The following TMEM201 variants were observed in gnomAD, a reference collection of about 807,000 sequenced individuals.
TMEM201 encodes the protein transmembrane protein 201, also known as RP13-15M17.2.
TMEM201 carries 26 observed loss-of-function variants against 63.4 expected under a neutral mutation model. That is an observed-to-expected ratio of 0.41 (90% CI 0.30 to 0.57). The LOEUF (loss-of-function observed/expected upper bound fraction) is 0.57, where lower values mean the gene tolerates loss of function less well. Ranked by LOEUF, TMEM201 falls within the 20% of genes least tolerant of loss-of-function variation. The probability of loss-of-function intolerance (pLI) is 0.29; values close to 1 mark genes in which losing one functional copy is unlikely to be tolerated. For missense variants in TMEM201, 794 were observed against 917.7 expected (o/e 0.87, Z 1.74); for synonymous variants, 417 against 421.6 (o/e 0.99, Z 0.14).
chr1:9,609,586 C>T (rs539341593), intron 7 of TMEM201, among the ~76,000 whole-genome samples: 135 of 152,304 alleles, frequency 8.9e-4, no homozygotes, highest in African/African-American at 3.2e-3. Context: ...CTGCCTACCT[C>T]AGCCTCCCAA....
Position 9,603,689 on chromosome 1 carries a change from G to A in TMEM201, c.1160+1417G>A. On this transcript the variant is annotated intron_variant, in intron 6 of 10. Transcript: ENST00000340381. The surrounding 1 kb of genome is among the most constrained non-coding windows in gnomAD (Gnocchi z 4.5). Reference sequence around the variant, plus strand: ...GGGGCAGGTGCCAGGCCTCACTGCTGTGAATCTGCCACGCCTGGGGGTCCT... The same window carrying A: ...GGGGCAGGTGCCAGGCCTCACTGCTATGAATCTGCCACGCCTGGGGGTCCT... The A allele has an allele frequency of 1.0e-6, 1 of 985,490 alleles. No homozygotes were observed. Among genetic ancestry groups the A allele is most frequent in the Non-Finnish European group, 1.2e-6 (1 of 829,958 alleles). The allele number at this position is 985,490 out of a possible 1,614,324, so 61.0% of individuals were successfully genotyped here.
chr1:9,609,241 A>C (rs1644287882), intron 7 of TMEM201, among the ~76,000 whole-genome samples: 1 of 152,230 alleles, frequency 6.6e-6, no homozygotes, highest in African/African-American at 2.4e-5. Flanking sequence ...TGCATGCTGC[A>C]ACAGACCCTT....
chr1:9,608,574 A>G lies in TMEM201; in HGVS notation c.1393+785A>G, dbSNP rs1351399500. Among the ~76,000 whole-genome samples, 1 of 152,212 alleles carries G rather than the reference A, an allele frequency of 6.6e-6. No homozygotes were observed. Among genetic ancestry groups the G allele is most frequent in the African/African-American group, 2.4e-5 (1 of 41,454 alleles). ...TTTCAGGGCACCCCAGCCTGGTGGC[A>G]CTTGAATGGAACTTGGGGTGGGAGG... On this transcript the variant is annotated intron_variant, in intron 7 of 10. Coordinates refer to ENST00000340381, the MANE Select transcript of TMEM201 (RefSeq NM_001130924.3). The surrounding 1 kb of genome is among the most constrained non-coding windows in gnomAD (Gnocchi z 4.3).
At chr1:9,593,858 A>G (rs569318415) in intron 1 of TMEM201, among the ~76,000 whole-genome samples, 1 of 152,294 alleles carries the variant, frequency 6.6e-6, no homozygotes, top group East Asian at 1.9e-4. Flanking sequence ...GCAGGTCTTC[A>G]CCCATCAGGA....
chr1:9,590,538 C>T (rs976254546), intron 1 of TMEM201, among the ~76,000 whole-genome samples: 1 of 152,154 alleles, frequency 6.6e-6, no homozygotes, highest in Non-Finnish European at 1.5e-5. Context: ...GGGATGCTGT[C>T]TCCCCTTCCT....
rs1290846784 is a variant in TMEM201 at position 9,610,376 on chromosome 1, CT to C, written c.1466-129del. The C allele has an allele frequency of 2.1e-6, 2 of 966,512 alleles. No homozygotes were observed. The highest frequency in any genetic ancestry group is 2.7e-5 in the East Asian group (1 of 37,590). The allele number at this position is 966,512 out of a possible 1,614,324, so 59.9% of individuals were successfully genotyped here. ...TTCAGCTTTGCAGCAGGACTTCCCC[CT>C]GTCCCCAGTCTCTGCACCTTTCCTG... On this transcript the variant is annotated intron_variant, in intron 8 of 10. Coordinates refer to ENST00000340381, the MANE Select transcript of TMEM201 (RefSeq NM_001130924.3). The surrounding 1 kb of genome is among the most constrained non-coding windows in gnomAD (Gnocchi z 4.9).
At chr1:9,597,691 CCA>C (rs1644051736) in intron 3 of TMEM201, among the ~76,000 whole-genome samples, 2 of 152,162 alleles carry the variant, frequency 1.3e-5, no homozygotes, top group Admixed American at 6.5e-5. Flanking sequence ...CAGCTGGGGC[CCA>C]GAGACACTGG....
rs1644214006 is a variant in TMEM201 at position 9,604,853 on chromosome 1, C to A, written c.1160+2581C>A. 1 of 985,850 alleles carries A rather than the reference C, an allele frequency of 1.0e-6. No individual in the cohort carries two copies. The highest frequency in any genetic ancestry group is 6.1e-5 in the Admixed American group (1 of 16,270). 61.1% of individuals were successfully genotyped at this position (985,850 alleles called of 1,614,324 possible). On this transcript the variant is annotated intron_variant, in intron 6 of 10. Coordinates refer to ENST00000340381, the MANE Select transcript of TMEM201 (RefSeq NM_001130924.3). This position sits in a 1 kb window ranked among gnomAD's most constrained non-coding sequence, Gnocchi z 4.1. ...ATGTCGTAGAATTGTGGATAATTGT[C>A]TAGTGACCCTCTCATCACTGTAACC...
chr1:9,594,435 C>G (rs1027681254), intron 1 of TMEM201, among the ~76,000 whole-genome samples: 3 of 152,196 alleles, frequency 2.0e-5, no homozygotes, highest in African/African-American at 7.2e-5. Context: ...GGTCCCATCT[C>G]CCCTTCTCTC....
In TMEM201 at chr1:9,603,673, G is replaced by A; in HGVS notation, c.1160+1401G>A. On this transcript the variant is annotated intron_variant, in intron 6 of 10. Transcript: ENST00000340381. This position sits in a 1 kb window ranked among gnomAD's most constrained non-coding sequence, Gnocchi z 4.5. ...GCCGGGATGGGTTGGGGGGGCAGGT[G>A]CCAGGCCTCACTGCTGTGAATCTGC... is the stretch of plus-strand genomic sequence containing the variant. 3.0e-6 allele frequency: 3 copies of A among 985,520 alleles called. No individual in the cohort carries two copies. The highest frequency in any genetic ancestry group is 9.4e-5 in the South Asian group (2 of 21,292). The allele number at this position is 985,520 out of a possible 1,614,324, so 61.0% of individuals were successfully genotyped here. A position where few individuals can be genotyped will look rare whatever the true frequency, so the allele number is the denominator to read the frequency against.
rs1644196496 is a variant in TMEM201 at position 9,603,990 on chromosome 1, C to A, written c.1160+1718C>A. 3.0e-6 allele frequency: 3 copies of A among 985,330 alleles called. No individual in the cohort carries two copies. The highest frequency in any genetic ancestry group is 3.6e-6 in the Non-Finnish European group (3 of 829,960). The allele number at this position is 985,330 out of a possible 1,614,324, so 61.0% of individuals were successfully genotyped here. On this transcript the variant is annotated intron_variant, in intron 6 of 10. Transcript: ENST00000340381. This position sits in a 1 kb window ranked among gnomAD's most constrained non-coding sequence, Gnocchi z 4.5. ...TTGGGGCGGGTGAGCCAAAGCGGCC[C>A]CCCATGGTGTCTACCTGAGGGGCAG... is the stretch of plus-strand genomic sequence containing the variant.
intron 3 of TMEM201, among the ~76,000 whole-genome samples, chr1:9,597,256 C>G (rs1327526419): frequency 2.6e-5 from 4 of 152,162 alleles, no homozygotes; most frequent in Admixed American, 2.6e-4. Context: ...GTTCTTCTGA[C>G]CCCGTTGGAG....
intron 5 of TMEM201, among the ~76,000 whole-genome samples, 197 bp downstream of exon 5, chr1:9,601,651 G>A (rs370455143): frequency 6.6e-5 from 10 of 152,176 alleles, no homozygotes; most frequent in Non-Finnish European, 1.0e-4. Flanking sequence ...AGCCAGCCCC[G>A]TGCACACCCG....
At position 9,600,644 on chromosome 1, in the gene TMEM201, C is replaced by T. The variant is rs187401499; in HGVS notation, c.607-461C>T. ...AAGGAAGGGGCTCAACTTGGCTGGG[C>T]GCGGTGGCTCACACCTGTAATCCCA... On this transcript the variant is annotated intron_variant, in intron 4 of 10. Transcript: ENST00000340381. Among the ~76,000 whole-genome samples the T allele has an allele frequency of 3.9e-5, 6 of 152,176 alleles. No individual in the cohort carries two copies. The East Asian group carries it at 9.7e-4, about 24-fold the overall frequency.
At chr1:9,594,536 G>A (rs1643979761) in intron 1 of TMEM201, among the ~76,000 whole-genome samples, 1 of 152,240 alleles carries the variant, frequency 6.6e-6, no homozygotes, top group African/African-American at 2.4e-5. Context: ...GCAGTCCCTT[G>A]TGAGGGAGGT....
rs1644226934 is a variant in TMEM201, at chr1:9,605,533, C to T, written c.1161-2024C>T. ...CAACAGATTGGGCTCCTTTAGCTGGCGGAGGCTCGCTGGGGCGCCTGTACA... is the reference window on the plus strand; with the variant it reads ...CAACAGATTGGGCTCCTTTAGCTGGTGGAGGCTCGCTGGGGCGCCTGTACA... On this transcript the variant is annotated intron_variant, in intron 6 of 10. Coordinates refer to ENST00000340381, the MANE Select transcript of TMEM201 (RefSeq NM_001130924.3). This position sits in a 1 kb window ranked among gnomAD's most constrained non-coding sequence, Gnocchi z 5.7. Among the ~76,000 whole-genome samples the T allele has an allele frequency of 1.3e-5, 2 of 152,080 alleles. No homozygotes were observed. The highest frequency in any genetic ancestry group is 1.3e-4 in the Admixed American group (2 of 15,286).
chr1:9,596,774 G>A (rs1043745806), intron 2 of TMEM201, 85 bp from the exon 3 acceptor site: 1 of 1,371,068 alleles, frequency 7.3e-7, no homozygotes, highest in Non-Finnish European at 1.0e-6. Context: ...CACTTGCCTG[G>A]AGCGGGGCGG....
chr1:9,589,577 G>A (rs1329233568), intron 1 of TMEM201, among the ~76,000 whole-genome samples: 1 of 152,258 alleles, frequency 6.6e-6, no homozygotes, highest in Admixed American at 6.5e-5. Flanking sequence ...GGCAGACCCC[G>A]AGGCTGGGCT....
In TMEM201 at chr1:9,610,256, A is replaced by AGG; in HGVS notation, c.1466-248_1466-247dup. ...GCCTTGCTCTCAGCTGATGGTACCC[A>AGG]GGGCTTTGGATGGAAATCAAGGGCA... On this transcript the variant is annotated intron_variant, in intron 8 of 10. Coordinates refer to ENST00000340381, the MANE Select transcript of TMEM201 (RefSeq NM_001130924.3). This position sits in a 1 kb window ranked among gnomAD's most constrained non-coding sequence, Gnocchi z 4.9. Among the ~76,000 whole-genome samples the AGG allele has an allele frequency of 6.6e-6, 1 of 152,214 alleles. No individual in the cohort carries two copies. The highest frequency in any genetic ancestry group is 2.1e-4 in the South Asian group (1 of 4,818).
Sources: allele counts gnomAD v4.1 joint callset (sites outside exome capture counted in the v4.1 genomes callset), GRCh38; gene constraint gnomAD v4.1.1; non-coding constraint Gnocchi (gnomAD v3.1); transcripts MANE v1.5; gene names NCBI Gene and HGNC (gene_info 2026-07-23, HGNC 2026-07-21).